MTF1: variants seen among roughly 807,000 people sequenced by gnomAD.
MTF1 encodes the protein metal regulatory transcription factor 1.
A neutral mutation model predicts 70.4 loss-of-function variants in MTF1; 22 were observed. The ratio of observed to expected loss-of-function variants is 0.31; its 90% CI spans 0.22 to 0.45. The LOEUF (loss-of-function observed/expected upper bound fraction) is 0.45, where lower values mean the gene tolerates loss of function less well. Among genes scored for constraint, MTF1 ranks in the 20% least tolerant of loss-of-function variants. The pLI is 1.00. For missense variants in MTF1, 649 were observed against 922.0 expected, an observed-to-expected ratio of 0.70 and a Z score of 3.83; for synonymous variants, 333 against 352.8, an observed-to-expected ratio of 0.94 and a Z score of 0.63.
At position 37,815,197 on chromosome 1, in the gene MTF1, G is replaced by C; in HGVS notation, c.2201C>G (p.Pro734Arg). The change falls in exon 11 of 11, where the codon CCC becomes CGC. Residue 734 changes from proline (P) to arginine (R), a missense_variant. By Grantham distance (103) the Pro-to-Arg change is moderately radical. Coordinates refer to ENST00000373036, the MANE Select transcript of MTF1 (RefSeq NM_005955.3). This position sits in a 1 kb window ranked among gnomAD's most constrained non-coding sequence, Gnocchi z 4.5. ...CTCCCCCTGCAGTAGTGCTTCAATG[G>C]GAATCAGATTGGACGGGGTGTCCAG... ...QSLDTPSNLI[P>R]IEALLQGEEE... The C allele has an allele frequency of 6.2e-7, 1 of 1,614,188 alleles. No homozygotes were observed. The highest frequency in any genetic ancestry group is 8.5e-7 in the Non-Finnish European group (1 of 1,180,044).
chr1:37,852,929 C>T (rs1557599512), intron 2 of MTF1, among the ~76,000 whole-genome samples: 1 of 152,208 alleles, frequency 6.6e-6, no homozygotes, highest in Non-Finnish European at 1.5e-5. Context: ...CTGTGCCTGG[C>T]CTATTCAAAA....
At chr1:37,820,682 T>G (rs1640896790) in intron 9 of MTF1, among the ~76,000 whole-genome samples, 1 of 152,218 alleles carries the variant, frequency 6.6e-6, no homozygotes. Flanking sequence ...TTCTGGATAT[T>G]GCTTAATGGT....
rs368541253 is a variant in MTF1 at position 37,855,900 on chromosome 1, G to T, written c.408+1351C>A. Among the ~76,000 whole-genome samples, 20 of 152,174 alleles carry T rather than the reference G, an allele frequency of 1.3e-4. No homozygotes were observed. The East Asian group carries it at 3.9e-3, about 29-fold the overall frequency. ...TAGAACCCAGGAGGCAGAGGTTGCA[G>T]TGAGCCAAGATCGCACCACTGCACT... On this transcript the variant is annotated intron_variant, in intron 2 of 10. Transcript: ENST00000373036.
In MTF1 at chr1:37,822,478, C is replaced by G; in HGVS notation, c.1410G>C (p.Val470=). The G allele has an allele frequency of 8.7e-6, 14 of 1,614,046 alleles. No homozygotes were observed. The highest frequency in any genetic ancestry group is 1.2e-5 in the Non-Finnish European group (14 of 1,180,006). ...NPPALLQPPE[V]PVPHSTQFAA... ...CAAACTGTGTGCTGTGGGGAACAGG[C>G]ACTTCTGGAGGTTGTAAGAGAGCAG... The change falls in exon 9 of 11, where the codon GTG becomes GTC. Residue 470 remains valine, a synonymous_variant. Transcript: ENST00000373036.
In MTF1 at chr1:37,838,668, G is replaced by A; in HGVS notation, c.736C>T (p.Leu246=). ...CSKYFTTLSD[L]RKHIRTHTGE... ...GTATGAGTTCGAATGTGCTTCCTCA[G>A]ATCACTGAGTGTGGTGAAGTATTTG... is the stretch of plus-strand genomic sequence containing the variant. Residue 246 remains leucine (L), a synonymous_variant, in exon 4 of 11, where the codon CTG becomes TTG. Coordinates refer to ENST00000373036, the MANE Select transcript of MTF1 (RefSeq NM_005955.3). The A allele has an allele frequency of 6.2e-7, 1 of 1,612,876 alleles. No homozygotes were observed. The highest frequency in any genetic ancestry group is 8.5e-7 in the Non-Finnish European group (1 of 1,179,076).
chr1:37,810,271 A>G lies in MTF1; in HGVS notation c.*4865T>C, dbSNP rs1381570539. ...AAGGTTTTATGAAAAATTTTCCCATAAGAAAAAGTAGAAACTGCATTGAGC... is the reference window on the plus strand; with the variant it reads ...AAGGTTTTATGAAAAATTTTCCCATGAGAAAAAGTAGAAACTGCATTGAGC... On this transcript the variant is annotated 3_prime_UTR_variant, in exon 11 of 11. Transcript: ENST00000373036. 6.6e-6 allele frequency: 1 copy of G among 152,586 alleles called. No individual in the cohort carries two copies. The highest frequency in any genetic ancestry group is 1.9e-4 in the East Asian group (1 of 5,204). 9.5% of individuals were successfully genotyped at this position (152,586 alleles called of 1,614,324 possible).
At chr1:37,851,815 A>C (rs773607182) in intron 2 of MTF1, among the ~76,000 whole-genome samples, 2 of 152,000 alleles carry the variant, frequency 1.3e-5, no homozygotes, top group East Asian at 3.9e-4. Context: ...TGAGCTAGCT[A>C]CTACTGCCTC....
At chr1:37,843,732 T>C (rs575724021) in intron 2 of MTF1, among the ~76,000 whole-genome samples, 1 of 152,312 alleles carries the variant, frequency 6.6e-6, no homozygotes, top group East Asian at 1.9e-4. Flanking sequence ...GTAAAAACCA[T>C]TCTTAGGCTC....
At chr1:37,847,995 A>G (rs777397907) in intron 2 of MTF1, among the ~76,000 whole-genome samples, 1 of 152,150 alleles carries the variant, frequency 6.6e-6, no homozygotes, top group Admixed American at 6.5e-5. Flanking sequence ...ACAGTTATAA[A>G]TGGCGGTTTA....
chr1:37,841,853 AC>A (rs1363392747), intron 2 of MTF1, among the ~76,000 whole-genome samples: 2 of 152,144 alleles, frequency 1.3e-5, no homozygotes, highest in Non-Finnish European at 2.9e-5. Context: ...ACACAGCAAG[AC>A]CCTGTCTCTA....
rs1315481093 is a variant in MTF1 at position 37,813,736 on chromosome 1, C to T, written c.*1400G>A. 1 of 152,316 alleles carries T rather than the reference C, an allele frequency of 6.6e-6. No homozygotes were observed. The highest frequency in any genetic ancestry group is 2.4e-5 in the African/African-American group (1 of 41,466). 9.4% of individuals were successfully genotyped at this position (152,316 alleles called of 1,614,324 possible). On this transcript the variant is annotated 3_prime_UTR_variant, in exon 11 of 11. Transcript: ENST00000373036. ...CGGTGAGTTTGGTCAGCACTCATGACTATGTTAATATAGCCTGTTGAGGGA... is the reference window on the plus strand; with the variant it reads ...CGGTGAGTTTGGTCAGCACTCATGATTATGTTAATATAGCCTGTTGAGGGA...
intron 2 of MTF1, among the ~76,000 whole-genome samples, chr1:37,854,198 A>G (rs555970862): frequency 1.3e-5 from 2 of 152,224 alleles, no homozygotes; most frequent in African/African-American, 4.8e-5. Context: ...TAATAGACAC[A>G]GGGTTTCATT....
rs1394522827 is a variant in MTF1 at position 37,857,598 on chromosome 1, T to C, written c.61A>G (p.Thr21Ala). 2 of 1,613,964 alleles carry C rather than the reference T, an allele frequency of 1.2e-6. No homozygotes were observed. The highest frequency in any genetic ancestry group is 1.1e-5 in the South Asian group (1 of 91,082). The change falls in exon 2 of 11, where the codon ACC becomes GCC. Residue 21 changes from threonine (T) to alanine (A), a missense_variant. Physicochemically the swap from Thr to Ala is moderately conservative, Grantham distance 58. Coordinates refer to ENST00000373036, the MANE Select transcript of MTF1 (RefSeq NM_005955.3). Reference sequence around the variant, plus strand: ...AACCTGAGCATTTTATCATCGGGGGTCAGCTCATCTTCCTCTGCCTCAAAG... The same window carrying C: ...AACCTGAGCATTTTATCATCGGGGGCCAGCTCATCTTCCTCTGCCTCAAAG... ...IYFEAEEDELTPDDKMLRFVD... is the reference protein window; with the variant it reads ...IYFEAEEDELAPDDKMLRFVD...
chr1:37,817,188 G>A (rs1311690520), intron 10 of MTF1, among the ~76,000 whole-genome samples: 3 of 152,174 alleles, frequency 2.0e-5, no homozygotes, highest in East Asian at 3.8e-4. Context: ...GAAAGGGAAA[G>A]AACTGTTACT....
intron 8 of MTF1, 33 bp downstream of exon 8, chr1:37,823,677 T>C (rs1640953818): frequency 6.7e-7 from 1 of 1,500,332 alleles, no homozygotes; most frequent in Non-Finnish European, 9.3e-7. Flanking sequence ...AGCAAGTGCT[T>C]AGATGTGAGT....
chr1:37,849,057 C>G (rs1641375224), intron 2 of MTF1, among the ~76,000 whole-genome samples: 1 of 152,196 alleles, frequency 6.6e-6, no homozygotes, highest in Non-Finnish European at 1.5e-5. Context: ...AAAGAAATAA[C>G]TCTCCTCTTG....
intron 2 of MTF1, among the ~76,000 whole-genome samples, chr1:37,851,984 G>T (rs1641424565): frequency 6.6e-6 from 1 of 151,984 alleles, no homozygotes; most frequent in Admixed American, 6.6e-5. Context: ...CTCATGATAT[G>T]TGAACAACTG....
rs1051220393 is a variant in MTF1, at chr1:37,810,023, T to C, written c.*5113A>G. The C allele has an allele frequency of 1.3e-5, 2 of 152,202 alleles. No homozygotes were observed. The highest frequency in any genetic ancestry group is 1.3e-4 in the Admixed American group (2 of 15,258). The allele number at this position is 152,202 out of a possible 1,614,324, so 9.4% of individuals were successfully genotyped here. ...TCTGTTTCCAGCCACCCTCCCCAAA[T>C]AGGGACTAGAAAGAGTTCACAGGAA... is the stretch of plus-strand genomic sequence containing the variant. On this transcript the variant is annotated 3_prime_UTR_variant, in exon 11 of 11. Coordinates refer to ENST00000373036, the MANE Select transcript of MTF1 (RefSeq NM_005955.3).
intron 3 of MTF1, among the ~76,000 whole-genome samples, chr1:37,839,254 T>C (rs1221780183): frequency 6.6e-6 from 1 of 152,192 alleles, no homozygotes; most frequent in Non-Finnish European, 1.5e-5. Context: ...GGTATGAGTG[T>C]GACTCTGGAG....
Sources: allele counts gnomAD v4.1 joint callset (sites outside exome capture counted in the v4.1 genomes callset), GRCh38; gene constraint gnomAD v4.1.1; non-coding constraint Gnocchi (gnomAD v3.1); transcripts MANE v1.5; gene names NCBI Gene and HGNC (gene_info 2026-07-23, HGNC 2026-07-21).